The following FAM135B variants were observed in gnomAD, a reference collection of about 807,000 sequenced individuals.
FAM135B encodes family with sequence similarity 135 member B, also known as protein FAM135B.
A neutral mutation model predicts 127.7 loss-of-function variants in FAM135B; 43 were observed. That is an observed-to-expected ratio of 0.34 (90% CI 0.26 to 0.43). The LOEUF (loss-of-function observed/expected upper bound fraction) is 0.43. Among genes scored for constraint, FAM135B ranks in the 20% least tolerant of loss-of-function variants. FAM135B has a pLI of 1.00. For synonymous variants in FAM135B, 670 were observed against 665.1 expected (o/e 1.01, Z -0.11); for missense variants, 1,558 against 1,725.6 (o/e 0.90, Z 1.72).
intron 1 of FAM135B, among the ~76,000 whole-genome samples, chr8:138,410,726 G>A (rs1833814598): frequency 6.6e-6 from 1 of 152,152 alleles, no homozygotes; most frequent in African/African-American, 2.4e-5. Flanking sequence ...AGCGGTTGGA[G>A]ATTTCCCAAA....
At chr8:138,363,984 C>A (rs1830590947) in intron 2 of FAM135B, among the ~76,000 whole-genome samples, 1 of 152,138 alleles carries the variant, frequency 6.6e-6, no homozygotes, top group Admixed American at 6.5e-5. Context: ...TTGTAGAGCA[C>A]ACATTTAATC....
chr8:138,287,422 C>T (rs537448272), intron 3 of FAM135B, among the ~76,000 whole-genome samples: 40 of 146,364 alleles, frequency 2.7e-4, no homozygotes, highest in Admixed American at 8.2e-4. Flanking sequence ...GAAACTGACA[C>T]TTTGAAGTAC....
At chr8:138,408,554 CATAAAT>C (rs1833667174) in intron 1 of FAM135B, among the ~76,000 whole-genome samples, 1 of 152,120 alleles carries the variant, frequency 6.6e-6, no homozygotes, top group Non-Finnish European at 1.5e-5. Flanking sequence ...CTCACAGTGT[CATAAAT>C]ATACTACCTG....
intron 7 of FAM135B, among the ~76,000 whole-genome samples, chr8:138,201,832 T>C (rs566064503): frequency 1.3e-5 from 2 of 152,146 alleles, no homozygotes; most frequent in African/African-American, 2.4e-5. Flanking sequence ...GGACAAAAAA[T>C]AGGCACCTCT....
At chr8:138,253,294 G>T (rs1821842115) in intron 5 of FAM135B, among the ~76,000 whole-genome samples, 1 of 152,172 alleles carries the variant, frequency 6.6e-6, no homozygotes, top group African/African-American at 2.4e-5. Flanking sequence ...CCCCATCCCT[G>T]TGCAAACAGG....
chr8:138,276,414 T>C (rs182522490), intron 3 of FAM135B, among the ~76,000 whole-genome samples: 1 of 152,236 alleles, frequency 6.6e-6, no homozygotes, highest in Admixed American at 6.5e-5. Flanking sequence ...GGTCACAGAA[T>C]ATAGGGCGGA....
At chr8:138,475,589 T>C (rs552870976) in intron 1 of FAM135B, among the ~76,000 whole-genome samples, 1 of 152,324 alleles carries the variant, frequency 6.6e-6, no homozygotes, top group East Asian at 1.9e-4. Context: ...CACCACGATC[T>C]GTCAATTCTA....
chr8:138,389,757 C>T (rs115684576), intron 1 of FAM135B, among the ~76,000 whole-genome samples: 6 of 152,200 alleles, frequency 3.9e-5, no homozygotes, highest in South Asian at 2.1e-4. Context: ...GACAATATTG[C>T]GGATATGCTG....
chr8:138,471,545 A>T (rs1837678057), intron 1 of FAM135B, among the ~76,000 whole-genome samples: 2 of 152,140 alleles, frequency 1.3e-5, no homozygotes, highest in South Asian at 2.1e-4. Flanking sequence ...CAAAAGTACC[A>T]TTTACCCACT....
In FAM135B at chr8:138,152,888, A is replaced by G. The variant is rs746694105; in HGVS notation, c.1587T>C (p.Tyr529=). 34 of 1,614,148 alleles carry G rather than the reference A, an allele frequency of 2.1e-5. No homozygotes were observed. In the South Asian group the frequency reaches 3.6e-4, roughly 17 times the overall value. ...TAGAAGTATCCACATCTGCCACTGG[A>G]TATGTCCCAGCATCAGATGTTTGGC... ...WTGQTSDAGT[Y]PVADVDTSRR... Residue 529 remains tyrosine (Y), a synonymous_variant, in exon 13 of 20, where the codon TAT becomes TAC. Coordinates refer to ENST00000395297, the MANE Select transcript of FAM135B (RefSeq NM_015912.4).
At chr8:138,281,706 C>T (rs1487580943) in intron 3 of FAM135B, among the ~76,000 whole-genome samples, 1 of 152,086 alleles carries the variant, frequency 6.6e-6, no homozygotes, top group Non-Finnish European at 1.5e-5. Context: ...AATTGGCATG[C>T]CTTTCCCCAC....
At chr8:138,487,914 G>A (rs374798436) in intron 1 of FAM135B, among the ~76,000 whole-genome samples, 19 of 152,202 alleles carry the variant, frequency 1.2e-4, no homozygotes, top group East Asian at 5.8e-4. Context: ...CGAGGCAGGA[G>A]AATCGCTTGA....
At chr8:138,342,407 C>A (rs1829114012) in intron 2 of FAM135B, among the ~76,000 whole-genome samples, 1 of 152,184 alleles carries the variant, frequency 6.6e-6, no homozygotes. Flanking sequence ...TCAAAATCAG[C>A]AAAGGCAGCT....
chr8:138,177,476 T>G (rs1814584232), intron 10 of FAM135B, 56 bp from the exon 11 acceptor site: 1 of 1,420,014 alleles, frequency 7.0e-7, no homozygotes, highest in African/African-American at 1.4e-5. Context: ...TTACCTGCAC[T>G]TTCTTTTTTT....
intron 2 of FAM135B, among the ~76,000 whole-genome samples, chr8:138,357,462 G>A (rs554055575): frequency 1.1e-4 from 17 of 152,152 alleles, no homozygotes; most frequent in Admixed American, 1.3e-4. Context: ...GAAAATACAT[G>A]TGAATATAAA....
intron 1 of FAM135B, among the ~76,000 whole-genome samples, chr8:138,376,134 G>A (rs539801808): frequency 6.6e-6 from 1 of 151,936 alleles, no homozygotes; most frequent in Non-Finnish European, 1.5e-5. Context: ...GTAGAGACAG[G>A]GTTTCACTGT....
At chr8:138,402,040 G>A in intron 1 of FAM135B, among the ~76,000 whole-genome samples, 1 of 152,122 alleles carries the variant, frequency 6.6e-6, no homozygotes, top group Non-Finnish European at 1.5e-5. Flanking sequence ...AGGAGGGTGG[G>A]AGGTGGAGAC....
intron 7 of FAM135B, among the ~76,000 whole-genome samples, chr8:138,227,451 A>T (rs759431410): frequency 1.8e-4 from 28 of 152,196 alleles, no homozygotes; most frequent in Admixed American, 8.5e-4. Flanking sequence ...TTTTTACTCC[A>T]ATTAGCAAAA....
At chr8:138,295,713 C>A (rs911703024) in intron 3 of FAM135B, among the ~76,000 whole-genome samples, 4 of 152,120 alleles carry the variant, frequency 2.6e-5, no homozygotes, top group Admixed American at 6.5e-5. Flanking sequence ...GATGGCCAAT[C>A]TGTGATCTGC....
Sources: gnomAD v4.1 joint callset for allele counts (sites outside exome capture counted in the v4.1 genomes callset) on GRCh38, gnomAD v4.1.1 for gene constraint, MANE v1.5 for transcripts, NCBI Gene and HGNC (gene_info 2026-07-23, HGNC 2026-07-21) for gene names.